The following ADK variants were observed in gnomAD, a reference collection of about 807,000 sequenced individuals.
ADK encodes the protein N6,N6-dimethyladenosine kinase.
Under a neutral mutation model 44.7 loss-of-function variants are expected in ADK, and 24 were observed. The ratio of observed to expected loss-of-function variants is 0.54; its 90% CI spans 0.39 to 0.76. ADK has a LOEUF of 0.76. Ranked by LOEUF, ADK falls within the 30% of genes least tolerant of loss-of-function variation. The pLI is 0.00. For missense variants in ADK, 321 were observed against 425.1 expected (o/e 0.76, Z 2.15); for synonymous variants, 128 against 142.6 (o/e 0.90, Z 0.73).
At chr10:74,542,969 C>T (rs1413138749) in intron 7 of ADK, among the ~76,000 whole-genome samples, 7 of 151,638 alleles carry the variant, frequency 4.6e-5, no homozygotes, top group Admixed American at 1.3e-4. Context: ...GGTGCGATCT[C>T]GGCTCACAGC....
chr10:74,516,350 G>A (rs1848573221), intron 6 of ADK, among the ~76,000 whole-genome samples: 1 of 151,924 alleles, frequency 6.6e-6, no homozygotes, highest in Admixed American at 6.6e-5. Flanking sequence ...ATCACCACAG[G>A]TGCATCTTCA....
intron 10 of ADK, among the ~76,000 whole-genome samples, chr10:74,695,103 T>C (rs1310274387): frequency 6.6e-6 from 1 of 152,206 alleles, no homozygotes; most frequent in Non-Finnish European, 1.5e-5. Flanking sequence ...TCTCTATTTA[T>C]TTATAGCTAT....
chr10:74,232,735 C>T (rs922985158), intron 3 of ADK, among the ~76,000 whole-genome samples: 3 of 152,170 alleles, frequency 2.0e-5, no homozygotes, highest in Non-Finnish European at 4.4e-5. Context: ...ACGCCATTCT[C>T]CTGCCTCAGC....
At chr10:74,558,316 A>G (rs1207998997) in intron 7 of ADK, among the ~76,000 whole-genome samples, 2 of 152,000 alleles carry the variant, frequency 1.3e-5, no homozygotes, top group African/African-American at 4.8e-5. Flanking sequence ...TCCTGCCTCA[A>G]CCTCCTGAGT....
chr10:74,620,613 C>T (rs1337529164), intron 9 of ADK, among the ~76,000 whole-genome samples: 1 of 152,108 alleles, frequency 6.6e-6, no homozygotes, highest in Non-Finnish European at 1.5e-5. Flanking sequence ...TACTAATTTC[C>T]TTTCCTTTGG....
At chr10:74,460,175 C>T (rs138721076) in intron 6 of ADK, among the ~76,000 whole-genome samples, 51 of 152,196 alleles carry the variant, frequency 3.4e-4, no homozygotes, top group African/African-American at 1.2e-3. Context: ...GTGCTTTGAG[C>T]GTTATTCTCC....
chr10:74,151,666 A>G (rs1315248081), intron 1 of ADK, among the ~76,000 whole-genome samples: 1 of 152,100 alleles, frequency 6.6e-6, no homozygotes, highest in Admixed American at 6.5e-5. Flanking sequence ...GTCGGACCGG[A>G]GCAGCGTCTG....
In ADK at chr10:74,253,766, C is replaced by CTTTTT. The variant is rs369449016; in HGVS notation, c.194+29190_194+29194dup. The stretch of plus-strand genomic sequence containing the variant: ...AGCTGATATAAACTCTCTACACTGC[C>CTTTTT]TTTTTTTTTTTTTTTTTTTAAGATG... On this transcript the variant is annotated intron_variant, in intron 3 of 10. Coordinates refer to ENST00000539909, the MANE Select transcript of ADK (RefSeq NM_006721.4). Among the ~76,000 whole-genome samples the CTTTTT allele has an allele frequency of 4.0e-5, 5 of 125,064 alleles. 1 individual carries two copies. Among genetic ancestry groups the CTTTTT allele is most frequent in the African/African-American group, 9.1e-5 (3 of 33,106 alleles). 82.0% of individuals were successfully genotyped at this position (125,064 alleles called of 152,430 possible).
At chr10:74,564,226 A>G (rs1234482554) in intron 7 of ADK, among the ~76,000 whole-genome samples, 6 of 152,322 alleles carry the variant, frequency 3.9e-5, no homozygotes, top group Non-Finnish European at 1.5e-5. Context: ...GTAAAGAGCC[A>G]GAATCTCAGA....
chr10:74,183,981 A>G (rs1347825454), intron 1 of ADK, among the ~76,000 whole-genome samples: 2 of 151,872 alleles, frequency 1.3e-5, no homozygotes. Flanking sequence ...CAGTGGCACA[A>G]TCTCAGCTCA....
chr10:74,168,945 G>A (rs979580036), intron 1 of ADK, among the ~76,000 whole-genome samples: 1 of 152,094 alleles, frequency 6.6e-6, no homozygotes, highest in African/African-American at 2.4e-5. Context: ...GAAAATATAG[G>A]ACCGGTGTGG....
At chr10:74,231,259 A>T (rs1363042520) in intron 3 of ADK, among the ~76,000 whole-genome samples, 1 of 152,228 alleles carries the variant, frequency 6.6e-6, no homozygotes, top group African/African-American at 2.4e-5. Flanking sequence ...AGTCAAATGT[A>T]TACATTTTAC....
intron 10 of ADK, among the ~76,000 whole-genome samples, chr10:74,707,119 G>A (rs530029988): frequency 8.9e-4 from 135 of 152,194 alleles, no homozygotes; most frequent in Middle Eastern, 3.4e-3. Context: ...AACCACAGCC[G>A]CAACCTTCCA....
At position 74,302,101 on chromosome 10, in the gene ADK, G is replaced by GTTTT. The variant is rs1564642239; in HGVS notation, c.195-12563_195-12562insTTTT. On this transcript the variant is annotated intron_variant, in intron 3 of 10. Transcript: ENST00000539909. ...TTCTTTTCTTTTCTGTTTTTTTTTT[G>GTTTT]TTTGTTTGTTTTTTTTTTTTTTTTT... Among the ~76,000 whole-genome samples the GTTTT allele has an allele frequency of 9.4e-4, 11 of 11,690 alleles. 1 individual carries two copies. The highest frequency in any genetic ancestry group is 2.9e-3 in the Admixed American group (3 of 1,022). The allele number at this position is 11,690 out of a possible 152,430, so 7.7% of individuals were successfully genotyped here.
chr10:74,176,494 A>AT, intron 1 of ADK: 1 of 1,167,032 alleles, frequency 8.6e-7, no homozygotes, highest in Non-Finnish European at 1.1e-6. Flanking sequence ...AGGCGCGGCC[A>AT]TTTTTGGGGC....
chr10:74,242,421 C>G (rs565332328), intron 3 of ADK, among the ~76,000 whole-genome samples: 2 of 152,298 alleles, frequency 1.3e-5, no homozygotes, highest in Admixed American at 1.3e-4. Context: ...CGGGGTAACA[C>G]AGTATGTGAT....
rs546258465 is a variant in ADK at position 74,612,644 on chromosome 10, G to T, written c.877+12151G>T. On this transcript the variant is annotated intron_variant, in intron 9 of 10. Transcript: ENST00000539909. ...AGAAACTCTTTAGTTAAGTTACAAT[G>T]GTCAATTTTTATTTTTGTTGCATTT... is the stretch of plus-strand genomic sequence containing the variant. Among the ~76,000 whole-genome samples the T allele has an allele frequency of 7.9e-5, 12 of 151,810 alleles. No individual in the cohort carries two copies. In the South Asian group the frequency reaches 2.5e-3, roughly 32 times the overall value.
chr10:74,180,200 CTTTTCT>C (rs1197648546), intron 1 of ADK, among the ~76,000 whole-genome samples: 1 of 132,990 alleles, frequency 7.5e-6, no homozygotes, highest in African/African-American at 2.6e-5. Context: ...TTCCATTTCT[CTTTTCT>C]TTTTATTATT....
Position 74,604,080 on chromosome 10 carries a change from C to G in ADK, c.877+3587C>G, listed in dbSNP as rs565708472. Among the ~76,000 whole-genome samples the G allele has an allele frequency of 5.9e-5, 9 of 152,278 alleles. No homozygotes were observed. In the South Asian group the frequency reaches 1.9e-3, roughly 32 times the overall value. The stretch of plus-strand genomic sequence containing the variant: ...GAAGTGTCTGTTCATATCCTTTGCC[C>G]ACTTTTTGATGTGGTTGTTTGTTCG... On this transcript the variant is annotated intron_variant, in intron 9 of 10. Coordinates refer to ENST00000539909, the MANE Select transcript of ADK (RefSeq NM_006721.4).
Sources: allele counts gnomAD v4.1 joint callset (sites outside exome capture counted in the v4.1 genomes callset), GRCh38; gene constraint gnomAD v4.1.1; transcripts MANE v1.5; gene names NCBI Gene and HGNC (gene_info 2026-07-23, HGNC 2026-07-21).